The following CSNK1A1 variants were observed in gnomAD, a reference collection of about 807,000 sequenced individuals.
CSNK1A1 encodes the protein casein kinase 1 alpha 1.
A neutral mutation model predicts 46.1 loss-of-function variants in CSNK1A1; 7 were observed. That is an observed-to-expected ratio of 0.15 (90% confidence interval 0.09 to 0.29). CSNK1A1 has a LOEUF of 0.29. Ranked by LOEUF, CSNK1A1 falls within the 10% of genes least tolerant of loss-of-function variation. The pLI is 1.00. For missense variants in CSNK1A1, 96 were observed against 417.1 expected (o/e 0.23, Z 6.71); for synonymous variants, 137 against 141.5 (o/e 0.97, Z 0.23).
chr5:149,517,648 G>A lies in CSNK1A1; in HGVS notation c.456+2642C>T. The A allele has an allele frequency of 1.7e-6, 1 of 580,612 alleles. No individual in the cohort carries two copies. Among genetic ancestry groups the A allele is most frequent in the Non-Finnish European group, 3.1e-6 (1 of 322,476 alleles). 36.0% of individuals were successfully genotyped at this position (580,612 alleles called of 1,614,324 possible). A position where few individuals can be genotyped will look rare whatever the true frequency, so the allele number is the denominator to read the frequency against. Reference sequence around the variant, plus strand: ...TAGTAATGTTATGTTTGCCAAGTATGTCTGAATAATGCCAACGTAAGAGGT... The same window carrying A: ...TAGTAATGTTATGTTTGCCAAGTATATCTGAATAATGCCAACGTAAGAGGT... On this transcript the variant is annotated intron_variant, in intron 4 of 9. Transcript: ENST00000377843. The surrounding 1 kb of genome is among the most constrained non-coding windows in gnomAD (Gnocchi z 4.4).
At chr5:149,526,686 AAG>A (rs1761734068) in intron 2 of CSNK1A1, among the ~76,000 whole-genome samples, 1 of 152,170 alleles carries the variant, frequency 6.6e-6, no homozygotes, top group Admixed American at 6.5e-5. Flanking sequence ...TCTTTAAGAA[AAG>A]AGTCTATTCT....
intron 4 of CSNK1A1, 160 bp from the exon 5 acceptor site, chr5:149,513,369 T>C: frequency 1.6e-6 from 1 of 640,488 alleles, no homozygotes. Context: ...CACCCCCCCA[T>C]AAGCTTTTAC....
intron 2 of CSNK1A1, among the ~76,000 whole-genome samples, chr5:149,527,501 T>G (rs766624022): frequency 3.9e-5 from 6 of 152,186 alleles, no homozygotes; most frequent in Non-Finnish European, 8.8e-5. Flanking sequence ...CCACTCTTTA[T>G]TCTCCCTATG....
At chr5:149,529,331 G>A (rs1761816425) in intron 2 of CSNK1A1, among the ~76,000 whole-genome samples, 1 of 152,156 alleles carries the variant, frequency 6.6e-6, no homozygotes, top group Non-Finnish European at 1.5e-5. Flanking sequence ...AATGCCAAGA[G>A]AAGGCAAGGT....
At chr5:149,545,364 C>G (rs538006797) in intron 2 of CSNK1A1, 4 of 428,150 alleles carry the variant, frequency 9.3e-6, no homozygotes, top group Non-Finnish European at 1.3e-5. Context: ...TCTGTCCTCA[C>G]GTTGGCAGAC....
At chr5:149,545,473 T>A (rs181635846) in intron 2 of CSNK1A1, 660 of 558,712 alleles carry the variant, frequency 1.2e-3, no homozygotes, top group Non-Finnish European at 1.9e-3. Context: ...CCTTGGTTGA[T>A]CCTTGGCCTT....
intron 9 of CSNK1A1, 162 bp from the exon 10 acceptor site, chr5:149,497,022 A>G: frequency 7.0e-7 from 1 of 1,432,734 alleles, no homozygotes; most frequent in Admixed American, 3.1e-5. Flanking sequence ...AAAACAGAAA[A>G]ACATGAATCT....
intron 4 of CSNK1A1, among the ~76,000 whole-genome samples, chr5:149,518,237 G>GA (rs1259362746): frequency 6.6e-6 from 1 of 151,828 alleles, no homozygotes; most frequent in Non-Finnish European, 1.5e-5. Flanking sequence ...TTGTACGGGG[G>GA]AAAAAAATCT....
chr5:149,509,812 A>G, intron 7 of CSNK1A1, 67 bp downstream of exon 7: 1 of 1,237,258 alleles, frequency 8.1e-7, no homozygotes, highest in Non-Finnish European at 1.1e-6. Flanking sequence ...AAGTGCTGGG[A>G]TTACAGGTGT....
chr5:149,497,057 T>C (rs1408626138), intron 9 of CSNK1A1, 197 bp from the exon 10 acceptor site: 13 of 1,407,072 alleles, frequency 9.2e-6, no homozygotes, highest in Non-Finnish European at 1.8e-6. Flanking sequence ...TTTTTTCTGT[T>C]TTGAATGACT....
Position 149,493,529 on chromosome 5 carries a change from C to T in CSNK1A1, c.*3324G>A, listed in dbSNP as rs533278399. ...AGAAAATAATTTCACTTCAACAATA[C>T]ACTGTTTGTTGATTCAACACAAACT... is the stretch of plus-strand genomic sequence containing the variant. On this transcript the variant is annotated 3_prime_UTR_variant, in exon 10 of 10. Coordinates refer to ENST00000377843, the MANE Select transcript of CSNK1A1 (RefSeq NM_001892.6). 6.6e-6 allele frequency: 1 copy of T among 151,986 alleles called. No homozygotes were observed. Among genetic ancestry groups the T allele is most frequent in the East Asian group, 1.9e-4 (1 of 5,182 alleles). 9.4% of individuals were successfully genotyped at this position (151,986 alleles called of 1,614,324 possible). A position where few individuals can be genotyped will look rare whatever the true frequency, so the allele number is the denominator to read the frequency against.
At position 149,517,193 on chromosome 5, in the gene CSNK1A1, G is replaced by T. The variant is rs1038232951; in HGVS notation, c.456+3097C>A. ...ATAACTTGATAAGTGCTTAAGCTAT[G>T]TTATTGTTATATTGTTAAGAATGCA... is the stretch of plus-strand genomic sequence containing the variant. On this transcript the variant is annotated intron_variant, in intron 4 of 9. Transcript: ENST00000377843. This position sits in a 1 kb window ranked among gnomAD's most constrained non-coding sequence, Gnocchi z 4.4. 6.6e-6 allele frequency among the ~76,000 whole-genome samples: 1 copy of T among 152,114 alleles called. No homozygotes were observed. Among genetic ancestry groups the T allele is most frequent in the Non-Finnish European group, 1.5e-5 (1 of 68,002 alleles).
chr5:149,512,920 G>A lies in CSNK1A1; in HGVS notation c.596+150C>T, dbSNP rs567777462. On this transcript the variant is annotated intron_variant, in intron 5 of 9. Coordinates refer to ENST00000377843, the MANE Select transcript of CSNK1A1 (RefSeq NM_001892.6). ...TCATTTAACGGTCTTCTCTACACTG[G>A]TTAAAGCAGCAGGTAAAATGATTAA... 3.2e-6 allele frequency: 3 copies of A among 939,552 alleles called. No individual in the cohort carries two copies. The East Asian group carries it at 8.0e-5, about 25-fold the overall frequency. 58.2% of individuals were successfully genotyped at this position (939,552 alleles called of 1,614,324 possible).
chr5:149,507,708 C>T (rs190127446), intron 7 of CSNK1A1, among the ~76,000 whole-genome samples: 11 of 152,116 alleles, frequency 7.2e-5, no homozygotes, highest in African/African-American at 2.4e-4. Context: ...AAGAGATCTG[C>T]CCCCCTTGGC....
chr5:149,498,187 C>A (rs915560599), intron 9 of CSNK1A1: 1 of 984,794 alleles, frequency 1.0e-6, no homozygotes, highest in Non-Finnish European at 1.2e-6. Context: ...GTGGGAGAAA[C>A]AAAATAATTC....
rs1187386698 is a variant in CSNK1A1 at position 149,511,782 on chromosome 5, A to G, written c.675+12T>C. The stretch of plus-strand genomic sequence containing the variant: ...AGAGAGAGAAAAATCTGATAATGTG[A>G]GTCTGGTTTACCTTTAGCCCTTGCC... On this transcript the variant is annotated intron_variant, in intron 6 of 9. Transcript: ENST00000377843. 1.3e-6 allele frequency: 2 copies of G among 1,550,132 alleles called. No individual in the cohort carries two copies. The highest frequency in any genetic ancestry group is 1.8e-6 in the Non-Finnish European group (2 of 1,133,370).
At chr5:149,508,927 A>C (rs1580825057) in intron 7 of CSNK1A1, among the ~76,000 whole-genome samples, 1 of 152,134 alleles carries the variant, frequency 6.6e-6, no homozygotes, top group Middle Eastern at 3.4e-3. Context: ...TTATTATTTT[A>C]CTTATTTTTG....
At chr5:149,537,632 C>T (rs1762099893) in intron 2 of CSNK1A1, among the ~76,000 whole-genome samples, 1 of 151,526 alleles carries the variant, frequency 6.6e-6, no homozygotes, top group African/African-American at 2.4e-5. Flanking sequence ...TTGGTCCCCA[C>T]TCCAGAATTG....
chr5:149,529,501 G>A lies in CSNK1A1; in HGVS notation c.231-4330C>T, dbSNP rs1761823611. The A allele has an allele frequency of 1.3e-5, 3 of 236,582 alleles. No homozygotes were observed. In the South Asian group the frequency reaches 1.4e-4, roughly 11 times the overall value. 14.7% of individuals were successfully genotyped at this position (236,582 alleles called of 1,614,324 possible). On this transcript the variant is annotated intron_variant, in intron 2 of 9. Coordinates refer to ENST00000377843, the MANE Select transcript of CSNK1A1 (RefSeq NM_001892.6). ...AACATGATTCACACAAAAGATCAATGAGAACTAAATCTGTCTAAAGAGGTA... is the reference window on the plus strand; with the variant it reads ...AACATGATTCACACAAAAGATCAATAAGAACTAAATCTGTCTAAAGAGGTA...
Sources: allele counts gnomAD v4.1 joint callset (sites outside exome capture counted in the v4.1 genomes callset), GRCh38; gene constraint gnomAD v4.1.1; non-coding constraint Gnocchi (gnomAD v3.1); transcripts MANE v1.5; gene names NCBI Gene and HGNC (gene_info 2026-07-23, HGNC 2026-07-21).